SORCS3: variants seen among roughly 807,000 people sequenced by gnomAD.
The protein encoded by SORCS3 is VPS10 domain-containing receptor SorCS3.
A neutral mutation model predicts 146.3 loss-of-function variants in SORCS3; 57 were observed. The ratio of observed to expected loss-of-function variants is 0.39; its 90% CI spans 0.31 to 0.49. The LOEUF is 0.49. Among genes scored for constraint, SORCS3 ranks in the 20% least tolerant of loss-of-function variants. SORCS3 has a pLI of 0.92. For synonymous variants in SORCS3, 653 were observed against 618.5 expected (o/e 1.06, Z -0.83); for missense variants, 1,341 against 1,575.5 (o/e 0.85, Z 2.52).
chr10:104,852,362 A>G (rs2018282402), intron 2 of SORCS3, among the ~76,000 whole-genome samples: 1 of 152,300 alleles, frequency 6.6e-6, no homozygotes, highest in Non-Finnish European at 1.5e-5. Flanking sequence ...AGATTTGGCA[A>G]CCATTCATGT....
chr10:105,017,182 T>C (rs941754202), intron 4 of SORCS3, among the ~76,000 whole-genome samples: 1 of 151,934 alleles, frequency 6.6e-6, no homozygotes, highest in East Asian at 1.9e-4. Flanking sequence ...CTTCTGCTGG[T>C]CTCTGCATGA....
At chr10:104,827,371 G>A (rs544621151) in intron 1 of SORCS3, among the ~76,000 whole-genome samples, 3 of 152,270 alleles carry the variant, frequency 2.0e-5, no homozygotes, top group East Asian at 1.9e-4. Flanking sequence ...TGTTGTGATA[G>A]CAGGCATAAA....
At chr10:104,821,092 A>C (rs149319951) in intron 1 of SORCS3, among the ~76,000 whole-genome samples, 1 of 152,144 alleles carries the variant, frequency 6.6e-6, no homozygotes, top group African/African-American at 2.4e-5. Flanking sequence ...TAGTATTTGT[A>C]CTCCGGCTTG....
At chr10:104,858,471 T>C (rs931466250) in intron 2 of SORCS3, among the ~76,000 whole-genome samples, 6 of 152,218 alleles carry the variant, frequency 3.9e-5, no homozygotes, top group Non-Finnish European at 8.8e-5. Flanking sequence ...TGTTTTACAG[T>C]TTTTCATTCC....
At chr10:105,006,368 T>A (rs1047459798) in intron 4 of SORCS3, among the ~76,000 whole-genome samples, 1 of 152,164 alleles carries the variant, frequency 6.6e-6, no homozygotes, top group Non-Finnish European at 1.5e-5. Flanking sequence ...ATCACAACAC[T>A]CTTTACTTCC....
At chr10:105,167,202 C>T in intron 12 of SORCS3, 56 bp from the exon 13 acceptor site, 1 of 1,340,474 alleles carries the variant, frequency 7.5e-7, no homozygotes, top group Non-Finnish European at 1.1e-6. Context: ...AACTGTTAAG[C>T]ACTATGCAAA....
chr10:104,772,578 T>C (rs2017264284), intron 1 of SORCS3, among the ~76,000 whole-genome samples: 1 of 152,244 alleles, frequency 6.6e-6, no homozygotes, highest in Admixed American at 6.5e-5. Flanking sequence ...ATTCACTTAT[T>C]GTCTCACATG....
At chr10:104,659,640 CT>C (rs2015675825) in intron 1 of SORCS3, among the ~76,000 whole-genome samples, 1 of 152,162 alleles carries the variant, frequency 6.6e-6, no homozygotes, top group Admixed American at 6.5e-5. Context: ...GGGCAAGTTA[CT>C]TTTCTGAGAC....
intron 11 of SORCS3, among the ~76,000 whole-genome samples, chr10:105,163,625 G>A (rs184757358): frequency 6.6e-6 from 1 of 152,146 alleles, no homozygotes; most frequent in Non-Finnish European, 1.5e-5. Context: ...GTGATGGAGT[G>A]CCAGGGGAAG....
intron 22 of SORCS3, among the ~76,000 whole-genome samples, chr10:105,250,650 T>G (rs1215828051): frequency 6.6e-6 from 1 of 152,158 alleles, no homozygotes. Context: ...TCTCTGCATT[T>G]TGCCCCTAGT....
chr10:104,960,291 A>G (rs759577473), intron 3 of SORCS3, among the ~76,000 whole-genome samples: 2 of 152,168 alleles, frequency 1.3e-5, no homozygotes, highest in East Asian at 3.8e-4. Context: ...TCTCCTAAAT[A>G]TAATAATCCT....
At chr10:104,866,045 T>A (rs1209178543) in intron 2 of SORCS3, among the ~76,000 whole-genome samples, 1 of 152,050 alleles carries the variant, frequency 6.6e-6, no homozygotes, top group East Asian at 1.9e-4. Context: ...GAAATGCACA[T>A]AGAACAGAGC....
At chr10:104,983,123 C>T (rs2054941209) in intron 4 of SORCS3, among the ~76,000 whole-genome samples, 1 of 152,132 alleles carries the variant, frequency 6.6e-6, no homozygotes, top group African/African-American at 2.4e-5. Context: ...TTCAAGCCTC[C>T]TGAGTAGCTG....
At chr10:104,730,853 A>T (rs2016698388) in intron 1 of SORCS3, among the ~76,000 whole-genome samples, 1 of 152,160 alleles carries the variant, frequency 6.6e-6, no homozygotes, top group Non-Finnish European at 1.5e-5. Context: ...TTTGGGGGAA[A>T]CCAACCCCAT....
At chr10:104,757,861 C>G (rs543958358) in intron 1 of SORCS3, among the ~76,000 whole-genome samples, 59 of 55,330 alleles carry the variant, frequency 1.1e-3, no homozygotes, top group Non-Finnish European at 1.6e-3. Context: ...GCCACCACCC[C>G]CCCCCCCACA....
At chr10:105,029,264 G>T (rs1371773108) in intron 4 of SORCS3, among the ~76,000 whole-genome samples, 1 of 152,188 alleles carries the variant, frequency 6.6e-6, no homozygotes, top group Non-Finnish European at 1.5e-5. Context: ...GATCATTAAA[G>T]CCATGGGTAG....
At chr10:105,192,840 G>A (rs372433626) in intron 14 of SORCS3, among the ~76,000 whole-genome samples, 2 of 152,180 alleles carry the variant, frequency 1.3e-5, no homozygotes, top group African/African-American at 2.4e-5. Flanking sequence ...ATAAAAGTTG[G>A]CATAATTGGG....
Position 105,083,162 on chromosome 10 carries a change from A to G in SORCS3, c.1029-6613A>G, listed in dbSNP as rs115388979. The stretch of plus-strand genomic sequence containing the variant: ...TAAAAGTAGGAATACAGCATACTCA[A>G]ATAAAGGCATTATTGATTACTTGTT... On this transcript the variant is annotated intron_variant, in intron 5 of 26. Coordinates refer to ENST00000369701, the MANE Select transcript of SORCS3 (RefSeq NM_014978.3). Among the ~76,000 whole-genome samples the G allele has an allele frequency of 4.2e-3, 634 of 152,160 alleles. 6 individuals are homozygous for G. The highest frequency in any genetic ancestry group is 0.015 in the African/African-American group (617 of 41,514).
chr10:104,813,271 G>T (rs2017759813), intron 1 of SORCS3, among the ~76,000 whole-genome samples: 1 of 152,086 alleles, frequency 6.6e-6, no homozygotes, highest in African/African-American at 2.4e-5. Flanking sequence ...ATCTGCTAAG[G>T]GTGTTTGTGA....
Sources: gnomAD v4.1 joint callset for allele counts (sites outside exome capture counted in the v4.1 genomes callset) on GRCh38, gnomAD v4.1.1 for gene constraint, MANE v1.5 for transcripts, NCBI Gene and HGNC (gene_info 2026-07-23, HGNC 2026-07-21) for gene names.